The following ZNF492 variants were observed in gnomAD, a reference collection of about 807,000 sequenced individuals.
The protein encoded by ZNF492 is zinc finger protein 115 (Y20).
A neutral mutation model predicts 6.4 loss-of-function variants in ZNF492; 3 were observed. The ratio of observed to expected loss-of-function variants is 0.47; its 90% CI spans 0.21 to 1.22. The LOEUF is 1.22. Ranked by LOEUF, ZNF492 falls within the 50% of genes most tolerant of loss-of-function variation. The pLI is 0.22. For synonymous variants in ZNF492, 112 were observed against 205.3 expected (o/e 0.55, Z 3.89); for missense variants, 356 against 612.5 (o/e 0.58, Z 4.42).
intron 1 of ZNF492, among the ~76,000 whole-genome samples, chr19:22,650,110 G>C (rs141314228): frequency 6.6e-6 from 1 of 152,188 alleles, no homozygotes; most frequent in Non-Finnish European, 1.5e-5. Flanking sequence ...TGGGGTTCTT[G>C]TGGGGACTTT....
At chr19:22,644,474 C>T (rs1971858185) in intron 1 of ZNF492, among the ~76,000 whole-genome samples, 1 of 152,018 alleles carries the variant, frequency 6.6e-6, no homozygotes, top group South Asian at 2.1e-4. Flanking sequence ...TGAGAACATG[C>T]GGTTTTTGGT....
intron 1 of ZNF492, among the ~76,000 whole-genome samples, chr19:22,652,746 A>AT (rs1971953999): frequency 6.6e-6 from 1 of 151,750 alleles, no homozygotes; most frequent in Non-Finnish European, 1.5e-5. Context: ...CGCCCGGCTA[A>AT]TTTTTTGTAT....
At chr19:22,662,043 T>C (rs1972064322) in intron 3 of ZNF492, among the ~76,000 whole-genome samples, 1 of 152,094 alleles carries the variant, frequency 6.6e-6, no homozygotes, top group Non-Finnish European at 1.5e-5. Context: ...TTATATTACA[T>C]AGGTATACAT....
intron 3 of ZNF492, among the ~76,000 whole-genome samples, chr19:22,656,216 G>A (rs1971995557): frequency 6.8e-6 from 1 of 147,676 alleles, no homozygotes; most frequent in Non-Finnish European, 1.5e-5. Flanking sequence ...TAGTGGAGAG[G>A]GGTAGGTAGC....
chr19:22,660,426 T>C (rs193155776), intron 3 of ZNF492, among the ~76,000 whole-genome samples: 2 of 150,362 alleles, frequency 1.3e-5, no homozygotes, highest in Non-Finnish European at 2.9e-5. Context: ...TTTTTTTTTT[T>C]GGTGGCACCT....
chr19:22,655,735 C>T (rs1487421286), intron 3 of ZNF492, among the ~76,000 whole-genome samples: 3 of 133,892 alleles, frequency 2.2e-5, no homozygotes, highest in East Asian at 2.1e-4. Flanking sequence ...AAAATAGAAG[C>T]GTTGAGAATG....
chr19:22,636,957 CT>C (rs35144612), intron 1 of ZNF492, among the ~76,000 whole-genome samples: 18,208 of 106,400 alleles, frequency 0.17, 1,426 homozygotes, highest in Non-Finnish European at 0.19. Flanking sequence ...TTTAGTAAAC[CT>C]TTTTTTTTTT....
At chr19:22,650,604 G>A (rs1971929804) in intron 1 of ZNF492, among the ~76,000 whole-genome samples, 1 of 152,102 alleles carries the variant, frequency 6.6e-6, no homozygotes, top group Admixed American at 6.5e-5. Flanking sequence ...TTCTGTCCCT[G>A]AGCCCCTGGC....
At position 22,666,478 on chromosome 19, in the gene ZNF492, A is replaced by G. The variant is rs1455715098; in HGVS notation, c.*1213A>G. ...AATGCTGCAATTACAGGTGTTAGCC[A>G]CTGCGCCTGCCTGATGTTGTTTCTT... On this transcript the variant is annotated 3_prime_UTR_variant, in exon 4 of 4. Transcript: ENST00000456783. 6.6e-6 allele frequency: 1 copy of G among 152,194 alleles called. No homozygotes were observed. The allele number at this position is 152,194 out of a possible 1,614,324, so 9.4% of individuals were successfully genotyped here.
rs1258546712 is a variant in ZNF492 at position 22,667,084 on chromosome 19, C to T, written c.*1819C>T. 1 of 152,106 alleles carries T rather than the reference C, an allele frequency of 6.6e-6. No homozygotes were observed. The highest frequency in any genetic ancestry group is 1.5e-5 in the Non-Finnish European group (1 of 68,058). 9.4% of individuals were successfully genotyped at this position (152,106 alleles called of 1,614,324 possible). ...TCTCTACTAAAAATACAAAATTAGC[C>T]AGGCATGGTGGCGCATGCCTGTAAT... On this transcript the variant is annotated 3_prime_UTR_variant, in exon 4 of 4. Coordinates refer to ENST00000456783, the MANE Select transcript of ZNF492 (RefSeq NM_020855.3).
intron 3 of ZNF492, among the ~76,000 whole-genome samples, chr19:22,654,243 A>T (rs1206498607): frequency 1.3e-5 from 2 of 152,164 alleles, no homozygotes; most frequent in Non-Finnish European, 2.9e-5. Context: ...CTTCAAGTTT[A>T]CAGTGACAGC....
chr19:22,653,082 T>C (rs1167143065), intron 1 of ZNF492, among the ~76,000 whole-genome samples: 2 of 149,630 alleles, frequency 1.3e-5, no homozygotes, highest in Non-Finnish European at 2.9e-5. Flanking sequence ...TCCGAAGAAG[T>C]ATCATACTTA....
Position 22,653,967 on chromosome 19 carries a change from A to G in ZNF492, c.82A>G (p.Lys28Glu), listed in dbSNP as rs565126303. ...PDLITCLEQGKEPWNVKRHEM... is the reference protein window; with the variant it reads ...PDLITCLEQGEEPWNVKRHEM... ...CCTGATCACCTGTCTGGAGCAAGGA[A>G]AAGAACCTTGGAATGTGAAGAGACA... The change falls in exon 3 of 4, where the codon AAA becomes GAA. Residue 28 changes from lysine (K) to glutamate (E), a missense_variant. By Grantham distance (56) the Lys-to-Glu change is moderately conservative (BLOSUM62 1). Around this residue, in one of 7 missense-constraint regions of ZNF492, gnomAD observed 196 missense variants for 219.4 expected, o/e 0.89. Transcript: ENST00000456783. 10 of 1,599,536 alleles carry G rather than the reference A, an allele frequency of 6.3e-6. No homozygotes were observed. The highest frequency in any genetic ancestry group is 1.4e-5 in the African/African-American group (1 of 73,712).
chr19:22,666,194 T>TTTA lies in ZNF492; in HGVS notation c.*931_*932insATT, dbSNP rs1972125192. The stretch of plus-strand genomic sequence containing the variant: ...AGTTTTTCTTTTTCTTCTTCTTTTT[T>TTTA]TTTTTTTTTTTAGATGGAGTCTTGC... On this transcript the variant is annotated 3_prime_UTR_variant, in exon 4 of 4. Coordinates refer to ENST00000456783, the MANE Select transcript of ZNF492 (RefSeq NM_020855.3). 1 of 148,758 alleles carries TTTA rather than the reference T, an allele frequency of 6.7e-6. No homozygotes were observed. The highest frequency in any genetic ancestry group is 1.5e-5 in the Non-Finnish European group (1 of 67,608). The allele number at this position is 148,758 out of a possible 1,614,324, so 9.2% of individuals were successfully genotyped here.
Position 22,663,977 on chromosome 19 carries a change from A to G in ZNF492, c.308A>G (p.Gln103Arg). ...VHKECYNGLN[Q>R]CLTTTQNKIF... ...AAAGAATGTTACAATGGACTTAACC[A>G]GTGTTTGACGACTACCCAGAACAAA... The change falls in exon 4 of 4, where the codon CAG becomes CGG. Residue 103 changes from glutamine to arginine, a missense_variant. By Grantham distance (43) the Gln-to-Arg change is conservative. Transcript: ENST00000456783. 1 of 1,612,462 alleles carries G rather than the reference A, an allele frequency of 6.2e-7. No individual in the cohort carries two copies.
chr19:22,647,727 G>GTTTTTTTTTTTTTTTTTTTTTTT lies in ZNF492; in HGVS notation c.-93-5560_-93-5559insTTTTTTTTTTTTTTTTTTTTTTT, dbSNP rs71180575. ...TTGCTCTTGCTTTCTAGCTCTTTTAGTTTTTTTTTTTTTTTTTTTTGAGAT... is the reference window on the plus strand; with the variant it reads ...TTGCTCTTGCTTTCTAGCTCTTTTAGTTTTTTTTTTTTTTTTTTTTTTTTTTTTTTTTTTTTTTTTTTTGAGAT... On this transcript the variant is annotated intron_variant, in intron 1 of 3. Coordinates refer to ENST00000456783, the MANE Select transcript of ZNF492 (RefSeq NM_020855.3). Among the ~76,000 whole-genome samples the GTTTTTTTTTTTTTTTTTTTTTTT allele has an allele frequency of 9.7e-5, 9 of 92,576 alleles. 1 individual carries two copies. The highest frequency in any genetic ancestry group is 3.6e-4 in the Admixed American group (3 of 8,390). 60.7% of individuals were successfully genotyped at this position (92,576 alleles called of 152,430 possible). A position where few individuals can be genotyped will look rare whatever the true frequency, so the allele number is the denominator to read the frequency against.
At chr19:22,640,492 A>C (rs1423498636) in intron 1 of ZNF492, among the ~76,000 whole-genome samples, 3 of 152,180 alleles carry the variant, frequency 2.0e-5, no homozygotes, top group African/African-American at 7.2e-5. Flanking sequence ...TTGCATCCCC[A>C]AAATAAACTC....
At chr19:22,657,080 C>T (rs4933020) in intron 3 of ZNF492, among the ~76,000 whole-genome samples, 29,110 of 151,936 alleles carry the variant, frequency 0.19, 3,680 homozygotes, top group African/African-American at 0.36. Flanking sequence ...TTACTTTCTA[C>T]TTTCTATTTC....
chr19:22,659,822 T>C (rs902675582), intron 3 of ZNF492, among the ~76,000 whole-genome samples: 5 of 151,690 alleles, frequency 3.3e-5, no homozygotes, highest in Non-Finnish European at 7.4e-5. Context: ...CCCACCACCA[T>C]GCCCGGCTAA....
Sources: gnomAD v4.1 joint callset for allele counts (sites outside exome capture counted in the v4.1 genomes callset) on GRCh38, gnomAD v4.1.1 for gene constraint, gnomAD v4.1.1 regional missense constraint, MANE v1.5 for transcripts, NCBI Gene and HGNC (gene_info 2026-07-23, HGNC 2026-07-21) for gene names.